The following GPHN variants were observed in gnomAD, a reference collection of about 807,000 sequenced individuals.
GPHN encodes the protein gephyrin.
A neutral mutation model predicts 95.5 loss-of-function variants in GPHN; 17 were observed. The observed-to-expected ratio is 0.18, with a 90% CI of 0.12 to 0.27. The LOEUF (loss-of-function observed/expected upper bound fraction) is 0.27. Among genes scored for constraint, GPHN ranks in the 10% least tolerant of loss-of-function variants. GPHN has a pLI of 1.00. For synonymous variants in GPHN, 320 were observed against 322.5 expected (o/e 0.99, Z 0.08); for missense variants, 660 against 978.1 (o/e 0.67, Z 4.34).
At chr14:66,899,662 A>G (rs1046905820) in intron 5 of GPHN, among the ~76,000 whole-genome samples, 1 of 151,756 alleles carries the variant, frequency 6.6e-6, no homozygotes, top group East Asian at 1.9e-4. Context: ...CCTGACTTCT[A>G]TTTGCTAATA....
chr14:67,148,591 C>T (rs1409760042), intron 18 of GPHN, among the ~76,000 whole-genome samples: 1 of 129,808 alleles, frequency 7.7e-6, no homozygotes, highest in African/African-American at 3.2e-5. Flanking sequence ...GACAGAGGCT[C>T]GCTCTGTCAC....
intron 2 of GPHN, chr14:66,709,488 C>T (rs952103226): frequency 2.3e-5 from 10 of 443,604 alleles, no homozygotes; most frequent in African/African-American, 2.0e-5. Context: ...GTAGCCTATA[C>T]AATGTGAATT....
chr14:66,655,552 AGTT>A (rs2065256801), intron 1 of GPHN, among the ~76,000 whole-genome samples: 1 of 152,062 alleles, frequency 6.6e-6, no homozygotes, highest in African/African-American at 2.4e-5. Context: ...AAATAGGGAC[AGTT>A]TATCTCCTTC....
chr14:67,349,399 C>T, the GPHN span, among the ~76,000 whole-genome samples: 1 of 152,220 alleles, frequency 6.6e-6, no homozygotes, highest in Admixed American at 6.5e-5. Context: ...ATGGATATAA[C>T]TTTAAGGATT....
At chr14:66,971,391 TAAGTATATTTTCCACAACCAAAG>T (rs2069764470) in intron 9 of GPHN, among the ~76,000 whole-genome samples, 1 of 152,078 alleles carries the variant, frequency 6.6e-6, no homozygotes, top group Non-Finnish European at 1.5e-5. Context: ...TATGAAAAAA[TAAGTATATTTTCCACAACCAAAG>T]AAAATCTGAA....
chr14:67,525,718 A>G, the GPHN span, among the ~76,000 whole-genome samples: 7 of 152,220 alleles, frequency 4.6e-5, no homozygotes, highest in African/African-American at 1.7e-4. Context: ...TGACGGGAAA[A>G]TATATTTACA....
At chr14:67,135,667 A>G (rs577168099) in intron 17 of GPHN, among the ~76,000 whole-genome samples, 2 of 152,040 alleles carry the variant, frequency 1.3e-5, no homozygotes, top group African/African-American at 4.8e-5. Flanking sequence ...ACCAGGACAT[A>G]TTTAGGTTTA....
intron 4 of GPHN, among the ~76,000 whole-genome samples, chr14:66,858,357 G>A (rs1375043686): frequency 6.6e-6 from 1 of 151,924 alleles, no homozygotes; most frequent in Non-Finnish European, 1.5e-5. Flanking sequence ...ACCAGGCAGA[G>A]TCATGAGGCC....
At chr14:66,868,550 C>T (rs1596211013) in intron 4 of GPHN, among the ~76,000 whole-genome samples, 2 of 151,978 alleles carry the variant, frequency 1.3e-5, no homozygotes, top group African/African-American at 4.8e-5. Context: ...CATGCCACCA[C>T]GCCGGGCTAA....
At chr14:67,058,259 T>G (rs1434650198) in intron 10 of GPHN, among the ~76,000 whole-genome samples, 1 of 152,194 alleles carries the variant, frequency 6.6e-6, no homozygotes, top group Non-Finnish European at 1.5e-5. Context: ...ATCTCTAAGG[T>G]TTTTCAAACT....
the GPHN span, among the ~76,000 whole-genome samples, chr14:67,273,109 ATTTC>A: frequency 2.2e-5 from 3 of 138,088 alleles, no homozygotes; most frequent in Non-Finnish European, 3.0e-5. Flanking sequence ...TAGGAGTGAT[ATTTC>A]TTTCTTTTTT....
chr14:67,034,731 A>G (rs1015704681), intron 10 of GPHN, among the ~76,000 whole-genome samples: 3 of 152,166 alleles, frequency 2.0e-5, no homozygotes, highest in Admixed American at 6.5e-5. Flanking sequence ...ACAGAAATAT[A>G]TAACAATTAT....
intron 2 of GPHN, among the ~76,000 whole-genome samples, chr14:66,689,869 T>G (rs2067658981): frequency 6.6e-6 from 1 of 151,950 alleles, no homozygotes; most frequent in Non-Finnish European, 1.5e-5. Context: ...TATCAATTTT[T>G]TGTGTCATTT....
rs140877632 is a variant in GPHN, at chr14:66,688,144, A to G, written c.143+6959A>G. Among the ~76,000 whole-genome samples the G allele has an allele frequency of 2.6e-5, 4 of 152,308 alleles. No individual in the cohort carries two copies. The East Asian group carries it at 5.8e-4, about 22-fold the overall frequency. On this transcript the variant is annotated intron_variant, in intron 2 of 22. Transcript: ENST00000478722. ...AGTAAACTAGAGAAAAGAAAGTATT[A>G]TTAAGAATAACAAAATTAAGAAAAA...
chr14:67,076,659 C>T (rs1379119704), intron 11 of GPHN, among the ~76,000 whole-genome samples: 1 of 152,120 alleles, frequency 6.6e-6, no homozygotes, highest in African/African-American at 2.4e-5. Flanking sequence ...TTACAGTAAC[C>T]TCTCACATAG....
the GPHN span, chr14:67,575,753 T>G: frequency 8.8e-7 from 1 of 1,142,340 alleles, no homozygotes; most frequent in Non-Finnish European, 1.3e-6. Context: ...ACGGAGCCTA[T>G]GTATTCAGAG....
chr14:66,799,289 G>A (rs1166986494), intron 3 of GPHN, among the ~76,000 whole-genome samples: 1 of 151,962 alleles, frequency 6.6e-6, no homozygotes, highest in Non-Finnish European at 1.5e-5. Context: ...TGTGTACTCT[G>A]CAGCCATTGT....
intron 8 of GPHN, among the ~76,000 whole-genome samples, chr14:66,961,900 GTA>G (rs767734322): frequency 0.051 from 2,709 of 52,618 alleles, 68 homozygotes; most frequent in Non-Finnish European, 0.085. Flanking sequence ...CCCTGAATGT[GTA>G]TATATATATA....
chr14:67,580,117 T>C, the GPHN span: 1 of 459,332 alleles, frequency 2.2e-6, no homozygotes, highest in Non-Finnish European at 3.9e-6. Flanking sequence ...CTCGAGTGGC[T>C]GTGCAGCGTC....
Sources: allele counts gnomAD v4.1 joint callset (sites outside exome capture counted in the v4.1 genomes callset), GRCh38; gene constraint gnomAD v4.1.1; transcripts MANE v1.5; gene names NCBI Gene and HGNC (gene_info 2026-07-23, HGNC 2026-07-21).